Variants in STK32C observed in about 807,000 individuals in gnomAD.
The protein encoded by STK32C is serine/threonine kinase 32C.
In STK32C, 31 loss-of-function variants were observed where a neutral mutation model predicts 56.5. The observed-to-expected ratio is 0.55, with a 90% CI of 0.41 to 0.74. STK32C has a LOEUF of 0.74. Among genes scored for constraint, STK32C ranks in the 30% least tolerant of loss-of-function variants. The probability of loss-of-function intolerance (pLI) is 0.00; values close to 1 mark genes in which losing one functional copy is unlikely to be tolerated. For missense variants in STK32C, 544 were observed against 676.9 expected, an observed-to-expected ratio of 0.80 and a Z score of 2.18; for synonymous variants, 309 against 289.4, an observed-to-expected ratio of 1.07 and a Z score of -0.69.
chr10:132,212,905 G>T (rs1317147583), intron 10 of STK32C, among the ~76,000 whole-genome samples: 1 of 152,270 alleles, frequency 6.6e-6, no homozygotes, highest in Non-Finnish European at 1.5e-5. Flanking sequence ...CAAAGTCACA[G>T]CTGAGACCTG....
chr10:132,319,518 C>T (rs137882160), downstream of STK32C, among the ~76,000 whole-genome samples: 2 of 152,162 alleles, frequency 1.3e-5, no homozygotes, highest in Non-Finnish European at 2.9e-5. Context: ...AATACTGATG[C>T]CTTCTACTAC....
At chr10:132,292,107 G>A (rs2065583978) in intron 1 of STK32C, among the ~76,000 whole-genome samples, 1 of 152,098 alleles carries the variant, frequency 6.6e-6, no homozygotes, top group Admixed American at 6.5e-5. Flanking sequence ...GTCAGCACTG[G>A]GCCTCAACAC....
At position 132,291,718 on chromosome 10, in the gene STK32C, G is replaced by A. The variant is rs114437978; in HGVS notation, c.262+15854C>T. Among the ~76,000 whole-genome samples, 320 of 152,218 alleles carry A rather than the reference G, an allele frequency of 2.1e-3. 1 individual carries two copies. Among genetic ancestry groups the A allele is most frequent in the African/African-American group, 7.5e-3 (311 of 41,518 alleles). Reference sequence around the variant, plus strand: ...CCATGGGGCTCATGAAACAGGCCTCGAGAGAGAACCTTCAGGTCCCAGAGA... The same window carrying A: ...CCATGGGGCTCATGAAACAGGCCTCAAGAGAGAACCTTCAGGTCCCAGAGA... On this transcript the variant is annotated intron_variant, in intron 1 of 11. Transcript: ENST00000298630.
At chr10:132,233,491 T>C (rs2137794063) in intron 2 of STK32C, among the ~76,000 whole-genome samples, 1 of 152,304 alleles carries the variant, frequency 6.6e-6, no homozygotes, top group South Asian at 2.1e-4. Context: ...TAGTGGCTGC[T>C]TCCTAGGCCA....
chr10:132,265,471 T>C (rs2064486447), intron 1 of STK32C, among the ~76,000 whole-genome samples: 1 of 152,024 alleles, frequency 6.6e-6, no homozygotes, highest in Non-Finnish European at 1.5e-5. Context: ...TGGAGGAGCC[T>C]GTGGGGTCCT....
chr10:132,300,055 G>A lies in STK32C; in HGVS notation c.262+7517C>T, dbSNP rs571600958. The stretch of plus-strand genomic sequence containing the variant: ...CATCCTTGCCAAGGCCCCAGAATGC[G>A]TGCAACGCCCGTGCTAGACTCCTGC... On this transcript the variant is annotated intron_variant, in intron 1 of 11. Transcript: ENST00000298630. 4.6e-5 allele frequency among the ~76,000 whole-genome samples: 7 copies of A among 152,366 alleles called. No homozygotes were observed. In the East Asian group the frequency reaches 1.3e-3, roughly 29 times the overall value.
chr10:132,331,392 T>G, intron 1 of STK32C: 1 of 1,563,218 alleles, frequency 6.4e-7, no homozygotes, highest in Non-Finnish European at 8.7e-7. Context: ...CGGTGTCATT[T>G]CATCTTCTTC....
At chr10:132,315,003 G>T (rs578241098) in intron 1 of STK32C, among the ~76,000 whole-genome samples, 3 of 152,184 alleles carry the variant, frequency 2.0e-5, no homozygotes, top group Non-Finnish European at 4.4e-5. Flanking sequence ...GCGTGGTGGC[G>T]CATGTCTGTA....
At chr10:132,280,093 A>ATGC in intron 1 of STK32C, among the ~76,000 whole-genome samples, 1 of 140,220 alleles carries the variant, frequency 7.1e-6, no homozygotes, top group Non-Finnish European at 1.5e-5. Flanking sequence ...CTCGGTGATC[A>ATGC]CACCCCTGCA....
chr10:132,308,315 C>G (rs1212290516), upstream of STK32C, among the ~76,000 whole-genome samples: 1 of 152,124 alleles, frequency 6.6e-6, no homozygotes, highest in Admixed American at 6.5e-5. Flanking sequence ...GTCCCTGGCA[C>G]GGGGACTGCT....
intron 1 of STK32C, among the ~76,000 whole-genome samples, chr10:132,295,815 G>A (rs180753308): frequency 1.8e-4 from 27 of 152,070 alleles, no homozygotes; most frequent in East Asian, 5.8e-4. Flanking sequence ...ACCCAGAGGC[G>A]GAGGCTGCAG....
chr10:132,224,017 G>T (rs1009023622), intron 8 of STK32C, among the ~76,000 whole-genome samples: 1 of 152,212 alleles, frequency 6.6e-6, no homozygotes, highest in African/African-American at 2.4e-5. Context: ...AAAGGGTCCC[G>T]GAGATAGCAT....
intron 8 of STK32C, 93 bp from the exon 9 acceptor site, chr10:132,223,079 TC>T: frequency 1.4e-6 from 2 of 1,465,212 alleles, no homozygotes; most frequent in Non-Finnish European, 1.8e-6. Flanking sequence ...TTGAGGAGGG[TC>T]CCACCAAGCC....
chr10:132,291,334 C>A (rs993251160), intron 1 of STK32C, among the ~76,000 whole-genome samples: 3 of 152,188 alleles, frequency 2.0e-5, no homozygotes, highest in African/African-American at 7.2e-5. Context: ...CTGTGGGTGA[C>A]CCTGTCCCCT....
chr10:132,216,273 T>C (rs1434186078), intron 10 of STK32C, among the ~76,000 whole-genome samples: 1 of 152,158 alleles, frequency 6.6e-6, no homozygotes, highest in Non-Finnish European at 1.5e-5. Flanking sequence ...AAGACCAGCC[T>C]GGCCAACATG....
At chr10:132,239,487 C>T (rs536051002) in intron 2 of STK32C, among the ~76,000 whole-genome samples, 21 of 152,362 alleles carry the variant, frequency 1.4e-4, no homozygotes, top group South Asian at 2.1e-4. Flanking sequence ...CCAGGGGCAC[C>T]GCACACTCCC....
At chr10:132,249,132 G>C (rs116043737) in intron 1 of STK32C, 15,964 of 451,320 alleles carry the variant, frequency 0.035, 585 homozygotes, top group African/African-American at 0.12. Flanking sequence ...GGGCTGTGGC[G>C]TCAGGGCGTG....
chr10:132,218,193 C>CCG (rs2137624950), intron 10 of STK32C, among the ~76,000 whole-genome samples: 1 of 152,082 alleles, frequency 6.6e-6, no homozygotes, highest in South Asian at 2.1e-4. Context: ...TGGTGCACAC[C>CCG]CACAGTTCCA....
chr10:132,283,060 C>G (rs2065265300), intron 1 of STK32C, among the ~76,000 whole-genome samples: 1 of 152,222 alleles, frequency 6.6e-6, no homozygotes, highest in Non-Finnish European at 1.5e-5. Context: ...ATGCAGCCAA[C>G]CCGGGGGCAG....
Sources: gnomAD v4.1 joint callset for allele counts (sites outside exome capture counted in the v4.1 genomes callset) on GRCh38, gnomAD v4.1.1 for gene constraint, MANE v1.5 for transcripts, NCBI Gene and HGNC (gene_info 2026-07-23, HGNC 2026-07-21) for gene names.